Variants in LYN observed in about 807,000 individuals in gnomAD.
LYN encodes LYN proto-oncogene, Src family tyrosine kinase, also known as tyrosine-protein kinase Lyn.
LYN carries 12 observed loss-of-function variants against 65.0 expected under a neutral mutation model. The observed-to-expected ratio is 0.18, with a 90% CI of 0.12 to 0.30. LYN has a LOEUF of 0.30. Ranked by LOEUF, LYN falls within the 10% of genes least tolerant of loss-of-function variation. The pLI is 1.00. For synonymous variants in LYN, 222 were observed against 221.2 expected (o/e 1.00, Z -0.03); for missense variants, 380 against 623.2 (o/e 0.61, Z 4.16).
Position 55,969,712 on chromosome 8 carries a change from C to CA in LYN, c.974-4dup, listed in dbSNP as rs773834119. 5 of 1,611,750 alleles carry CA rather than the reference C, an allele frequency of 3.1e-6. No homozygotes were observed. In the South Asian group the frequency reaches 3.3e-5, roughly 11 times the overall value. ...TGCACTAACTTGTTCTTTCTTTCTC[C>CA]ATAGGCAGTTTGCTGGATTTCCTGA... On this transcript the variant is annotated splice_region_variant and splice_polypyrimidine_tract_variant and intron_variant, in intron 9 of 12. Coordinates refer to ENST00000519728, the MANE Select transcript of LYN (RefSeq NM_002350.4).
intron 10 of LYN, among the ~76,000 whole-genome samples, chr8:55,993,293 G>C (rs529752340): frequency 2.0e-5 from 3 of 152,294 alleles, no homozygotes; most frequent in South Asian, 4.1e-4. Context: ...ACCAGAACTT[G>C]GCCTGGGGAG....
chr8:55,962,671 A>T (rs1283174033), intron 8 of LYN, among the ~76,000 whole-genome samples: 2 of 152,172 alleles, frequency 1.3e-5, no homozygotes, highest in Non-Finnish European at 2.9e-5. Flanking sequence ...TGTTTTCAAG[A>T]TATACGATCA....
chr8:55,965,873 C>T (rs1807440960), intron 8 of LYN, among the ~76,000 whole-genome samples: 1 of 151,906 alleles, frequency 6.6e-6, no homozygotes, highest in Non-Finnish European at 1.5e-5. Context: ...GCTTATAATC[C>T]CAGCACTTTG....
intron 1 of LYN, among the ~76,000 whole-genome samples, chr8:55,908,092 G>T (rs1292102528): frequency 6.6e-6 from 1 of 152,032 alleles, no homozygotes; most frequent in Non-Finnish European, 1.5e-5. Flanking sequence ...GCTGCTTGAG[G>T]TCACACTGCT....
At chr8:55,903,068 C>T (rs61480621) in intron 1 of LYN, among the ~76,000 whole-genome samples, 1,943 of 152,298 alleles carry the variant, frequency 0.013, 40 homozygotes, top group African/African-American at 0.043. Context: ...AGGCTGGTCT[C>T]GAACTCCTGA....
At chr8:55,921,382 G>GAA (rs1334214399) in intron 1 of LYN, among the ~76,000 whole-genome samples, 1 of 152,176 alleles carries the variant, frequency 6.6e-6, no homozygotes, top group Non-Finnish European at 1.5e-5. Flanking sequence ...AGTCTATCGA[G>GAA]GAGAGAGCTA....
chr8:56,001,899 C>A (rs768110333), intron 12 of LYN, among the ~76,000 whole-genome samples: 37 of 152,268 alleles, frequency 2.4e-4, no homozygotes, highest in Non-Finnish European at 4.3e-4. Flanking sequence ...CTGCTCTGAG[C>A]CCCAGATCCA....
chr8:55,881,599 G>A (rs1186399699), intron 1 of LYN, among the ~76,000 whole-genome samples: 2 of 152,286 alleles, frequency 1.3e-5, no homozygotes, highest in African/African-American at 4.8e-5. Context: ...ATGTAAATGT[G>A]TGGCCCTTTT....
At chr8:55,930,111 C>A (rs561897303) in intron 1 of LYN, among the ~76,000 whole-genome samples, 99 of 152,312 alleles carry the variant, frequency 6.5e-4, no homozygotes, top group Middle Eastern at 3.4e-3. Flanking sequence ...CACCACCCCC[C>A]ACCTGACCCC....
In LYN at chr8:55,999,662, T is replaced by G. The variant is rs985791608; in HGVS notation, c.1336+113T>G. 12 of 1,121,292 alleles carry G rather than the reference T, an allele frequency of 1.1e-5. No homozygotes were observed. In the Admixed American group the frequency reaches 2.4e-4, roughly 22 times the overall value. 69.5% of individuals were successfully genotyped at this position (1,121,292 alleles called of 1,614,324 possible). Reference sequence around the variant, plus strand: ...CATCTACCCGATAGCAAAGAATAAGTGCTTTGAGCCAGAACTTGATTTTCA... The same window carrying G: ...CATCTACCCGATAGCAAAGAATAAGGGCTTTGAGCCAGAACTTGATTTTCA... On this transcript the variant is annotated intron_variant, in intron 12 of 12. Coordinates refer to ENST00000519728, the MANE Select transcript of LYN (RefSeq NM_002350.4).
intron 10 of LYN, chr8:55,980,432 C>A (rs1057114016): frequency 3.3e-5 from 5 of 152,334 alleles, no homozygotes; most frequent in Non-Finnish European, 7.3e-5. Flanking sequence ...GTGCAGACAC[C>A]GGATGGGCAT....
At chr8:55,965,282 C>G (rs186196666) in intron 8 of LYN, among the ~76,000 whole-genome samples, 1 of 152,198 alleles carries the variant, frequency 6.6e-6, no homozygotes, top group Non-Finnish European at 1.5e-5. Flanking sequence ...GTTCTGAGGT[C>G]AAGAAATTGT....
At chr8:55,983,149 G>C (rs887262239) in intron 10 of LYN, among the ~76,000 whole-genome samples, 2 of 152,074 alleles carry the variant, frequency 1.3e-5, no homozygotes, top group African/African-American at 4.8e-5. Flanking sequence ...AGCCTGAGGA[G>C]CCTCATGAAC....
At chr8:55,967,796 A>G (rs1807505394) in intron 9 of LYN, among the ~76,000 whole-genome samples, 1 of 152,210 alleles carries the variant, frequency 6.6e-6, no homozygotes, top group South Asian at 2.1e-4. Context: ...TCACCTTCAT[A>G]TACAAGACTT....
chr8:55,958,761 G>C (rs1188564082), intron 8 of LYN, among the ~76,000 whole-genome samples: 6 of 152,102 alleles, frequency 3.9e-5, no homozygotes, highest in Non-Finnish European at 2.9e-5. Context: ...ATGTCTCCAA[G>C]GTTTATCTAT....
At chr8:55,955,464 C>G (rs2130501671) in intron 8 of LYN, among the ~76,000 whole-genome samples, 1 of 152,280 alleles carries the variant, frequency 6.6e-6, no homozygotes, top group Non-Finnish European at 1.5e-5. Context: ...TGAATGTTGT[C>G]TCTTCCCATG....
intron 12 of LYN, among the ~76,000 whole-genome samples, chr8:56,001,285 A>C (rs1808504074): frequency 1.3e-5 from 2 of 152,130 alleles, no homozygotes; most frequent in African/African-American, 2.4e-5. Flanking sequence ...AGGCCATTTG[A>C]TCTCTAGACA....
At chr8:55,956,064 G>A (rs1432571978) in intron 8 of LYN, among the ~76,000 whole-genome samples, 1 of 152,002 alleles carries the variant, frequency 6.6e-6, no homozygotes, top group African/African-American at 2.4e-5. Flanking sequence ...CATGTGATAA[G>A]CCTCTGTTGA....
At chr8:55,946,079 C>T (rs1806767255) in intron 2 of LYN, among the ~76,000 whole-genome samples, 1 of 152,212 alleles carries the variant, frequency 6.6e-6, no homozygotes. Context: ...CCAAAACTCC[C>T]TCTGCCCTCT....
Sources: gnomAD v4.1 joint callset for allele counts (sites outside exome capture counted in the v4.1 genomes callset) on GRCh38, gnomAD v4.1.1 for gene constraint, MANE v1.5 for transcripts, NCBI Gene and HGNC (gene_info 2026-07-23, HGNC 2026-07-21) for gene names.